The following SLC16A3 variants were observed in gnomAD, a reference collection of about 807,000 sequenced individuals.
SLC16A3 encodes the protein monocarboxylate transporter 4.
In SLC16A3, 22 loss-of-function variants were observed where a neutral mutation model predicts 25.0. That is an observed-to-expected ratio of 0.88 (90% CI 0.63 to 1.26). The LOEUF is 1.26. Among genes scored for constraint, SLC16A3 ranks in the 50% most tolerant of loss-of-function variants. The pLI is 0.00. For synonymous variants in SLC16A3, 390 were observed against 309.2 expected, an observed-to-expected ratio of 1.26 and a Z score of -2.74; for missense variants, 731 against 666.6, an observed-to-expected ratio of 1.10 and a Z score of -1.06.
intron 2 of SLC16A3, 84 bp from the exon 3 acceptor site, chr17:82,236,644 GC>G (rs746071322): frequency 3.9e-5 from 60 of 1,537,190 alleles, no homozygotes; most frequent in Middle Eastern, 2.4e-4. Context: ...GGAAGGGGAG[GC>G]CGGCTCCAGG....
chr17:82,231,302 G>C (rs1299438301), intron 1 of SLC16A3: 1 of 152,198 alleles, frequency 6.6e-6, no homozygotes, highest in Non-Finnish European at 1.5e-5. Context: ...GGATTGCGCC[G>C]AGGAGGGGCC....
chr17:82,237,591 A>T lies in SLC16A3; in HGVS notation c.821A>T (p.Asp274Val). 6.2e-7 allele frequency: 1 copy of T among 1,612,284 alleles called. No homozygotes were observed. The highest frequency in any genetic ancestry group is 8.5e-7 in the Non-Finnish European group (1 of 1,179,624). ...AFLLTILGFI[D>V]IFARPAAGFV... ...CTGCTCACCATCCTGGGCTTCATTG[A>T]CATCTTCGCGCGGCCGGCCGCGGGC... is the stretch of plus-strand genomic sequence containing the variant. Residue 274 changes from aspartate (D) to valine (V), a missense_variant, in exon 4 of 5, where the codon GAC becomes GTC. Asp to Val is a radical substitution (Grantham distance 152). Coordinates refer to ENST00000582743, the MANE Select transcript of SLC16A3 (RefSeq NM_004207.4).
chr17:82,237,978 C>T (rs535833030), intron 4 of SLC16A3, 85 bp downstream of exon 4: 32 of 1,454,046 alleles, frequency 2.2e-5, no homozygotes, highest in Middle Eastern at 2.5e-4. Flanking sequence ...GCGCACCCCT[C>T]GGCAGCCACC....
At position 82,238,756 on chromosome 17, in the gene SLC16A3, C is replaced by T. The variant is rs893269888; in HGVS notation, c.1178C>T (p.Ala393Val). 5 of 1,612,552 alleles carry T rather than the reference C, an allele frequency of 3.1e-6. No individual in the cohort carries two copies. Among genetic ancestry groups the T allele is most frequent in the South Asian group, 1.1e-5 (1 of 91,018 alleles). The stretch of plus-strand genomic sequence containing the variant: ...ATGTACGTGTTCATCCTGGCGGGGG[C>T]CGAGGTGCTCACCTCCTCCCTGATT... Reference protein sequence around the residue: ...VYMYVFILAGAEVLTSSLILL... With the variant: ...VYMYVFILAGVEVLTSSLILL... The change falls in exon 5 of 5, where the codon GCC becomes GTC. Residue 393 changes from alanine to valine, a missense_variant. Transcript: ENST00000582743.
chr17:82,232,915 C>T (rs937063056), intron 1 of SLC16A3, among the ~76,000 whole-genome samples: 9 of 682 alleles, frequency 0.013, no homozygotes, highest in East Asian at 0.038. Context: ...TCCTGGGGGG[C>T]GGCGGGGGGG....
intron 1 of SLC16A3, among the ~76,000 whole-genome samples, chr17:82,219,656 G>A (rs12451470): frequency 0.76 from 115,041 of 151,824 alleles, 44,280 homozygotes; most frequent in East Asian, 0.93. Context: ...CCCACTGCTT[G>A]GCCCCGCCTC....
In SLC16A3 at chr17:82,237,702, C is replaced by T. The variant is rs111844521; in HGVS notation, c.932C>T (p.Ala311Val). 313 of 1,612,694 alleles carry T rather than the reference C, an allele frequency of 1.9e-4. 2 individuals are homozygous for T. The African/African-American group carries it at 3.3e-3, about 17-fold the overall frequency. ...SMFFNGLADLAGSTAGDYGGL... is the reference protein window; with the variant it reads ...SMFFNGLADLVGSTAGDYGGL... ...TTCTTCAACGGCCTCGCGGACCTGG[C>T]GGGTTCTACGGCGGGCGACTACGGC... Residue 311 changes from alanine to valine, a missense_variant, in exon 4 of 5, where the codon GCG becomes GTG. Ala to Val is a moderately conservative substitution (Grantham distance 64). Coordinates refer to ENST00000582743, the MANE Select transcript of SLC16A3 (RefSeq NM_004207.4).
intron 1 of SLC16A3, among the ~76,000 whole-genome samples, chr17:82,222,799 G>A (rs990912132): frequency 6.7e-5 from 7 of 105,082 alleles, no homozygotes; most frequent in Non-Finnish European, 1.2e-4. Context: ...GCGAGACTCC[G>A]TCTCAAAAAA....
At chr17:82,232,860 T>C (rs1229794917) in intron 1 of SLC16A3, among the ~76,000 whole-genome samples, 2 of 135,278 alleles carry the variant, frequency 1.5e-5, no homozygotes, top group African/African-American at 2.7e-5. Flanking sequence ...GAGATCAGCT[T>C]TCTCATCCCA....
At chr17:82,227,762 G>A (rs1471024814), upstream of SLC16A3, among the ~76,000 whole-genome samples, 2 of 152,130 alleles carry the variant, frequency 1.3e-5, no homozygotes, top group Non-Finnish European at 2.9e-5. Context: ...CCTGTGTTCT[G>A]CTCACAGGCA....
Position 82,239,215 on chromosome 17 carries a change from G to GC in SLC16A3, c.*243dup, listed in dbSNP as rs1009281510. ...AGGTTACAAGGCATCCTCACCAGGG[G>GC]CCCCGCCTGCTGCTCCCAGGTGGCC... is the stretch of plus-strand genomic sequence containing the variant. On this transcript the variant is annotated 3_prime_UTR_variant, in exon 5 of 5. Transcript: ENST00000582743. 1.8e-5 allele frequency: 5 copies of GC among 279,462 alleles called. No individual in the cohort carries two copies. Among genetic ancestry groups the GC allele is most frequent in the Non-Finnish European group, 2.6e-5 (4 of 152,152 alleles). The allele number at this position is 279,462 out of a possible 1,614,324, so 17.3% of individuals were successfully genotyped here. A position where few individuals can be genotyped will look rare whatever the true frequency, so the allele number is the denominator to read the frequency against.
chr17:82,232,561 C>T (rs938556095), intron 1 of SLC16A3, among the ~76,000 whole-genome samples: 4 of 152,236 alleles, frequency 2.6e-5, no homozygotes, highest in African/African-American at 9.6e-5. Context: ...CGTTCCAGGC[C>T]TGTGACGGGG....
intron 2 of SLC16A3, 101 bp downstream of exon 2, chr17:82,236,332 C>A (rs950968608): frequency 3.7e-6 from 4 of 1,088,530 alleles, no homozygotes; most frequent in Admixed American, 2.0e-5. Flanking sequence ...CCGCCTGCTC[C>A]CCAGGGAACC....
Position 82,237,508 on chromosome 17 carries a change from CG to C in SLC16A3, c.739del (p.Val247CysfsTer4). On this transcript the variant is annotated frameshift_variant, in exon 4 of 5. Transcript: ENST00000582743. LOFTEE classifies it high-confidence loss of function. ...TGGTGCTGGGGCTCTTCGTCCCGCC[CG>C]TGTTCGTGGTGAGCTACGCCAAGGA... ...VMVLGLFVPPVFVVSYAKDLG... is the reference protein window; with the variant it reads ...VMVLGLFVPPXFVVSYAKDLG... 1 of 1,611,530 alleles carries C rather than the reference CG, an allele frequency of 6.2e-7. No homozygotes were observed. The highest frequency in any genetic ancestry group is 8.5e-7 in the Non-Finnish European group (1 of 1,179,584).
chr17:82,235,874 G>A (rs1599558103), intron 1 of SLC16A3, 109 bp from the exon 2 acceptor site: 4 of 699,564 alleles, frequency 5.7e-6, no homozygotes, highest in South Asian at 5.3e-5. Flanking sequence ...GTGCCGGGCA[G>A]CTGCCCCTCA....
At chr17:82,226,815 C>T (rs2050425209), upstream of SLC16A3, among the ~76,000 whole-genome samples, 2 of 152,164 alleles carry the variant, frequency 1.3e-5, no homozygotes, top group South Asian at 2.1e-4. Context: ...CACCCCACAG[C>T]GTCCTGTTCT....
rs760625187 is a variant in SLC16A3 at position 82,236,062 on chromosome 17, C to T, written c.54C>T (p.Gly18=). The T allele has an allele frequency of 3.2e-5, 51 of 1,612,648 alleles. No homozygotes were observed. The highest frequency in any genetic ancestry group is 1.5e-4 in the South Asian group (14 of 91,094). ...EGPTGVKAPD[G]GWGWAVLFGC... is the part of the protein sequence containing the mutation. ...CCACAGGCGTCAAGGCCCCTGACGGCGGCTGGGGCTGGGCCGTGCTCTTCG... is the reference window on the plus strand; with the variant it reads ...CCACAGGCGTCAAGGCCCCTGACGGTGGCTGGGGCTGGGCCGTGCTCTTCG... The change falls in exon 2 of 5, where the codon GGC becomes GGT. Residue 18 remains glycine, a synonymous_variant. Transcript: ENST00000582743.
chr17:82,227,719 G>A (rs886483858), upstream of SLC16A3, among the ~76,000 whole-genome samples: 12 of 151,454 alleles, frequency 7.9e-5, no homozygotes, highest in East Asian at 2.0e-4. Flanking sequence ...CTTCATCTGT[G>A]AAGTTGGAGG....
rs549340133 is a variant in SLC16A3 at position 82,236,812 on chromosome 17, G to T, written c.307G>T (p.Val103Leu). Residue 103 changes from valine to leucine, a missense_variant, in exon 3 of 5, where the codon GTG becomes TTG. Transcript: ENST00000582743. ...GGGTCTCTTTGCGTCGCTGGGCATG[G>T]TGGCTGCGTCCTTTTGCCGGAGCAT... ...VGGLFASLGM[V>L]AASFCRSIIQ... is the part of the protein sequence containing the mutation. 2 of 1,608,584 alleles carry T rather than the reference G, an allele frequency of 1.2e-6. No individual in the cohort carries two copies. Among genetic ancestry groups the T allele is most frequent in the Non-Finnish European group, 1.7e-6 (2 of 1,179,852 alleles).
Sources: gnomAD v4.1 joint callset for allele counts (sites outside exome capture counted in the v4.1 genomes callset) on GRCh38, gnomAD v4.1.1 for gene constraint, MANE v1.5 for transcripts, NCBI Gene and HGNC (gene_info 2026-07-23, HGNC 2026-07-21) for gene names.